NCKAP5: variants seen among roughly 807,000 people sequenced by gnomAD.
The protein encoded by NCKAP5 is nck-associated protein 5.
In NCKAP5, 92 loss-of-function variants were observed where a neutral mutation model predicts 167.0. That is an observed-to-expected ratio of 0.55 (90% CI 0.47 to 0.66). The LOEUF is 0.66. Ranked by LOEUF, NCKAP5 falls within the 30% of genes least tolerant of loss-of-function variation. The pLI is 0.00. For missense variants in NCKAP5, 2,378 were observed against 2,315.0 expected (o/e 1.03, Z -0.56); for synonymous variants, 891 against 877.4 (o/e 1.02, Z -0.27).
chr2:132,932,852 G>A (rs1171954795), intron 8 of NCKAP5, among the ~76,000 whole-genome samples: 2 of 150,738 alleles, frequency 1.3e-5, no homozygotes, highest in African/African-American at 2.4e-5. Context: ...GGGAAGAAAA[G>A]AAGATTAAAG....
intron 5 of NCKAP5, among the ~76,000 whole-genome samples, chr2:133,177,117 T>C (rs911208487): frequency 6.6e-6 from 1 of 151,186 alleles, no homozygotes; most frequent in African/African-American, 2.4e-5. Context: ...TTAGAAATAC[T>C]GGAGTCAACA....
chr2:132,853,921 T>C (rs913128010), intron 11 of NCKAP5, among the ~76,000 whole-genome samples: 5 of 152,216 alleles, frequency 3.3e-5, no homozygotes, highest in Non-Finnish European at 7.3e-5. Context: ...CACAGCACCC[T>C]AAGCACTGCT....
In NCKAP5 at chr2:132,940,267, G is replaced by A. The variant is rs565698747; in HGVS notation, c.579+23453C>T. ...ATTCACTATGCAACTAATGTACCAGGCATAATCCCACAGGATTACTTAAGA... is the reference window on the plus strand; with the variant it reads ...ATTCACTATGCAACTAATGTACCAGACATAATCCCACAGGATTACTTAAGA... On this transcript the variant is annotated intron_variant, in intron 8 of 19. Coordinates refer to ENST00000409261, the MANE Select transcript of NCKAP5 (RefSeq NM_207363.3). Among the ~76,000 whole-genome samples, 5 of 152,184 alleles carry A rather than the reference G, an allele frequency of 3.3e-5. No individual in the cohort carries two copies. The South Asian group carries it at 1.0e-3, about 32-fold the overall frequency.
chr2:132,964,986 A>T (rs1158485020), intron 7 of NCKAP5, among the ~76,000 whole-genome samples: 1 of 152,196 alleles, frequency 6.6e-6, no homozygotes, highest in Non-Finnish European at 1.5e-5. Context: ...ATTATGAATT[A>T]TGTAAAAATA....
chr2:133,090,937 C>G (rs754251107), intron 6 of NCKAP5, among the ~76,000 whole-genome samples: 2 of 152,070 alleles, frequency 1.3e-5, no homozygotes, highest in Non-Finnish European at 2.9e-5. Flanking sequence ...AATTGTAATC[C>G]GCAGTGTTAG....
In NCKAP5 at chr2:133,186,505, T is replaced by G. The variant is rs56142292; in HGVS notation, c.207+27211A>C. Among the ~76,000 whole-genome samples the G allele has an allele frequency of 4.1e-3, 616 of 152,020 alleles. 4 individuals carry two copies. Among genetic ancestry groups the G allele is most frequent in the Non-Finnish European group, 6.4e-3 (432 of 67,862 alleles). ...AGGGAGAAGCCCCTGCTCCTCAATT[T>G]TTTGGAATAGTTCTAGTAAGACTGG... On this transcript the variant is annotated intron_variant, in intron 5 of 19. Coordinates refer to ENST00000409261, the MANE Select transcript of NCKAP5 (RefSeq NM_207363.3).
intron 6 of NCKAP5, among the ~76,000 whole-genome samples, chr2:133,102,530 G>A (rs190583402): frequency 1.6e-4 from 25 of 152,234 alleles, no homozygotes; most frequent in African/African-American, 4.8e-4. Context: ...GAAAAAAACC[G>A]TTTTGTTAAT....
At chr2:133,250,020 T>TTATTATTATTAA (rs1182594311) in intron 4 of NCKAP5, among the ~76,000 whole-genome samples, 2 of 147,360 alleles carry the variant, frequency 1.4e-5, no homozygotes, top group Non-Finnish European at 3.0e-5. Context: ...ATTATTATTA[T>TTATTATTATTAA]TATTATTATT....
intron 11 of NCKAP5, among the ~76,000 whole-genome samples, chr2:132,834,917 T>C (rs558800628): frequency 1.5e-4 from 23 of 152,338 alleles, no homozygotes; most frequent in African/African-American, 5.1e-4. Flanking sequence ...CGCTTTTAAC[T>C]TTCCCCTGTT....
intron 11 of NCKAP5, among the ~76,000 whole-genome samples, chr2:132,818,337 T>C (rs1686445090): frequency 6.6e-6 from 1 of 152,206 alleles, no homozygotes; most frequent in African/African-American, 2.4e-5. Context: ...TTTTAGGATA[T>C]GGATAATGCA....
At chr2:133,198,039 AAAATT>A (rs2085515718) in intron 5 of NCKAP5, among the ~76,000 whole-genome samples, 1 of 152,198 alleles carries the variant, frequency 6.6e-6, no homozygotes, top group Non-Finnish European at 1.5e-5. Context: ...TTAAAACTGA[AAAATT>A]AGAGAAAGCA....
intron 8 of NCKAP5, among the ~76,000 whole-genome samples, chr2:132,962,736 A>C (rs1023365240): frequency 6.6e-6 from 1 of 152,064 alleles, no homozygotes; most frequent in East Asian, 1.9e-4. Flanking sequence ...GACTACAGGC[A>C]CGTGCCACCA....
At chr2:132,706,985 C>T (rs1688419346) in intron 19 of NCKAP5, among the ~76,000 whole-genome samples, 1 of 152,146 alleles carries the variant, frequency 6.6e-6, no homozygotes, top group African/African-American at 2.4e-5. Flanking sequence ...GATGCCTCCA[C>T]CCATTGTCCT....
At chr2:133,109,888 CGCAGAAACAT>C (rs1302173542) in intron 6 of NCKAP5, among the ~76,000 whole-genome samples, 2 of 152,166 alleles carry the variant, frequency 1.3e-5, no homozygotes, top group East Asian at 1.9e-4. Flanking sequence ...ACCAAGTAAT[CGCAGAAACAT>C]GCAGAAACAT....
intron 19 of NCKAP5, among the ~76,000 whole-genome samples, chr2:132,673,973 C>T (rs902915727): frequency 3.9e-5 from 6 of 152,112 alleles, no homozygotes; most frequent in African/African-American, 1.4e-4. Context: ...TATTAATACC[C>T]TGTATGATGT....
intron 8 of NCKAP5, among the ~76,000 whole-genome samples, chr2:132,932,960 T>C (rs1199440644): frequency 1.3e-5 from 2 of 150,782 alleles, no homozygotes; most frequent in Non-Finnish European, 3.0e-5. Context: ...AATCTCGCTT[T>C]GTTGCCCAGG....
intron 3 of NCKAP5, among the ~76,000 whole-genome samples, chr2:133,310,450 G>C (rs1681154820): frequency 6.6e-6 from 1 of 152,180 alleles, no homozygotes; most frequent in Non-Finnish European, 1.5e-5. Context: ...CCTCCGCAAG[G>C]TGGAATCCCA....
chr2:133,609,375 T>C, the NCKAP5 span, among the ~76,000 whole-genome samples: 1 of 152,236 alleles, frequency 6.6e-6, no homozygotes, highest in Non-Finnish European at 1.5e-5. Context: ...GTTCACGGTT[T>C]TGTTTTTAAG....
chr2:133,243,021 G>A (rs999525985), intron 4 of NCKAP5, among the ~76,000 whole-genome samples: 1 of 152,082 alleles, frequency 6.6e-6, no homozygotes, highest in Non-Finnish European at 1.5e-5. Context: ...TAAGTGTTTG[G>A]TGTTTTTGAC....
Sources: gnomAD v4.1 joint callset for allele counts (sites outside exome capture counted in the v4.1 genomes callset) on GRCh38, gnomAD v4.1.1 for gene constraint, MANE v1.5 for transcripts, NCBI Gene and HGNC (gene_info 2026-07-23, HGNC 2026-07-21) for gene names.